The following PDYN variants were observed in gnomAD, a reference collection of about 807,000 sequenced individuals.
PDYN encodes prodynorphin.
In PDYN, 5 loss-of-function variants were observed where a neutral mutation model predicts 11.4. That is an observed-to-expected ratio of 0.44 (90% confidence interval 0.23 to 0.92). PDYN has a LOEUF of 0.92. Among genes scored for constraint, PDYN ranks in the 40% least tolerant of loss-of-function variants. PDYN has a pLI of 0.24. For missense variants in PDYN, 337 were observed against 317.3 expected (o/e 1.06, Z -0.47); for synonymous variants, 132 against 129.5 (o/e 1.02, Z -0.13).
intron 1 of PDYN, among the ~76,000 whole-genome samples, chr20:1,993,133 A>G (rs552875608): frequency 5.2e-4 from 76 of 144,820 alleles, no homozygotes; most frequent in African/African-American, 1.9e-3. Flanking sequence ...TTTTCTGAAT[A>G]TGGGTCTCTG....
intron 2 of PDYN, among the ~76,000 whole-genome samples, chr20:1,990,363 C>G (rs1988379707): frequency 6.6e-6 from 1 of 152,248 alleles, no homozygotes; most frequent in Admixed American, 6.5e-5. Flanking sequence ...ATTTCAGAAG[C>G]TTTTGCCCCA....
chr20:1,983,135 C>G, intron 2 of PDYN, 32 bp from the exon 3 acceptor site: 1 of 1,579,872 alleles, frequency 6.3e-7, no homozygotes, highest in South Asian at 1.1e-5. Context: ...ATAATGAAAT[C>G]TGTGATCACC....
chr20:1,988,590 G>A lies in PDYN; in HGVS notation c.-20+3994C>T, dbSNP rs376464970. 9.9e-5 allele frequency among the ~76,000 whole-genome samples: 15 copies of A among 152,262 alleles called. No homozygotes were observed. In the South Asian group the frequency reaches 1.5e-3, roughly 15 times the overall value. On this transcript the variant is annotated intron_variant, in intron 2 of 3. Coordinates refer to ENST00000217305, the MANE Select transcript of PDYN (RefSeq NM_024411.5). The stretch of plus-strand genomic sequence containing the variant: ...TGGGAAGCAAGCCCCCTTGGTAAGC[G>A]GGAGGCATGATGTCAGTATCTGACC...
chr20:1,980,462 C>G lies in PDYN; in HGVS notation c.626G>C (p.Gly209Ala). The change falls in exon 4 of 4, where the codon GGC becomes GCC. Residue 209 changes from glycine (G) to alanine (A), a missense_variant. By Grantham distance (60) the Gly-to-Ala change is moderately conservative (BLOSUM62 0). Transcript: ENST00000217305. ...CTTGGGACGAATGCGCCGCAAGAAG[C>G]CCCCATAGCGTTTGTACAGGTCCTC... ...GHEDLYKRYG[G>A]FLRRIRPKLK... 8 of 1,613,162 alleles carry G rather than the reference C, an allele frequency of 5.0e-6. No homozygotes were observed. Among genetic ancestry groups the G allele is most frequent in the Non-Finnish European group, 6.8e-6 (8 of 1,179,300 alleles).
rs1361066029 is a variant in PDYN, at chr20:1,982,937, A to G, written c.129+19T>C. ...AGGTCCAAGGACCTGGGCATTGAAG[A>G]ACCTTGCCTGAAACCTACCAGGGGA... is the stretch of plus-strand genomic sequence containing the variant. On this transcript the variant is annotated intron_variant, in intron 3 of 3. Transcript: ENST00000217305. 1.2e-6 allele frequency: 2 copies of G among 1,612,624 alleles called. No individual in the cohort carries two copies. Among genetic ancestry groups the G allele is most frequent in the Non-Finnish European group, 1.7e-6 (2 of 1,179,112 alleles).
At chr20:1,982,555 A>G (rs905766512) in intron 3 of PDYN, among the ~76,000 whole-genome samples, 1 of 152,126 alleles carries the variant, frequency 6.6e-6, no homozygotes, top group African/African-American at 2.4e-5. Flanking sequence ...AGATCTTTGC[A>G]TTTAGGGGTG....
chr20:1,988,381 G>GATAA (rs1281786562), intron 2 of PDYN, among the ~76,000 whole-genome samples: 1 of 152,140 alleles, frequency 6.6e-6, no homozygotes, highest in African/African-American at 2.4e-5. Flanking sequence ...CCTTTTATAG[G>GATAA]ATAAATACAT....
chr20:1,990,997 A>G (rs954558580), intron 2 of PDYN, among the ~76,000 whole-genome samples: 3 of 150,788 alleles, frequency 2.0e-5, no homozygotes, highest in African/African-American at 7.3e-5. Context: ...GACAAATGGG[A>G]ATAGAAGGGA....
chr20:1,980,856 C>T lies in PDYN; in HGVS notation c.232G>A (p.Asp78Asn), dbSNP rs935940168. The T allele has an allele frequency of 2.5e-6, 4 of 1,614,100 alleles. No homozygotes were observed. Among genetic ancestry groups the T allele is most frequent in the Non-Finnish European group, 3.4e-6 (4 of 1,180,044 alleles). ...FFTPSTLGLNDKEDLGSKSVG... is the reference protein window; with the variant it reads ...FFTPSTLGLNNKEDLGSKSVG... The stretch of plus-strand genomic sequence containing the variant: ...GACTTGCTCCCCAAGTCCTCCTTGT[C>T]ATTGAGCCCAAGGGTGGAGGGGGTG... Residue 78 changes from aspartate to asparagine, a missense_variant, in exon 4 of 4, where the codon GAC (aspartate) becomes AAC (asparagine). Coordinates refer to ENST00000217305, the MANE Select transcript of PDYN (RefSeq NM_024411.5).
intron 3 of PDYN, among the ~76,000 whole-genome samples, chr20:1,981,183 A>ATTT (rs1987760379): frequency 6.6e-6 from 1 of 152,230 alleles, no homozygotes; most frequent in African/African-American, 2.4e-5. Context: ...GACCCAGGAC[A>ATTT]CATGGCTGCA....
intron 2 of PDYN, among the ~76,000 whole-genome samples, chr20:1,989,747 T>G (rs187256869): frequency 4.5e-4 from 69 of 152,244 alleles, no homozygotes; most frequent in Non-Finnish European, 4.0e-4. Flanking sequence ...TTGTTTAAGG[T>G]CATATCATGA....
chr20:1,981,242 G>A (rs965037803), intron 3 of PDYN, among the ~76,000 whole-genome samples: 5 of 152,276 alleles, frequency 3.3e-5, no homozygotes, highest in East Asian at 1.9e-4. Flanking sequence ...AGTGTTCTGC[G>A]TGCTCACCTT....
chr20:1,983,305 C>G (rs1987951327), intron 2 of PDYN, among the ~76,000 whole-genome samples: 1 of 152,212 alleles, frequency 6.6e-6, no homozygotes, highest in African/African-American at 2.4e-5. Context: ...TGAGCACCCA[C>G]TGTATACCCA....
At chr20:1,983,769 C>T (rs1347930452) in intron 2 of PDYN, among the ~76,000 whole-genome samples, 2 of 152,212 alleles carry the variant, frequency 1.3e-5, no homozygotes, top group Non-Finnish European at 2.9e-5. Context: ...TGAACACACC[C>T]ATTGGGTGGG....
Position 1,982,813 on chromosome 20 carries a change from A to G in PDYN, c.129+143T>C, listed in dbSNP as rs35416914. On this transcript the variant is annotated intron_variant, in intron 3 of 3. Coordinates refer to ENST00000217305, the MANE Select transcript of PDYN (RefSeq NM_024411.5). ...AGCCCCTGGTGTCCAGGCCATCTAT[A>G]GGGCAGGACACCCACCACCCTGCAC... 6.9e-3 allele frequency: 5,548 copies of G among 804,012 alleles called. 34 individuals are homozygous for G. The highest frequency in any genetic ancestry group is 7.4e-3 in the Non-Finnish European group (3,570 of 483,322). The allele number at this position is 804,012 out of a possible 1,614,324, so 49.8% of individuals were successfully genotyped here. A position where few individuals can be genotyped will look rare whatever the true frequency, so the allele number is the denominator to read the frequency against.
rs890937456 is a variant in PDYN, at chr20:1,980,184, A to G, written c.*139T>C. The G allele has an allele frequency of 3.6e-5, 32 of 888,044 alleles. No individual in the cohort carries two copies. In the Admixed American group the frequency reaches 4.8e-4, roughly 13 times the overall value. The allele number at this position is 888,044 out of a possible 1,614,324, so 55.0% of individuals were successfully genotyped here. A position where few individuals can be genotyped will look rare whatever the true frequency, so the allele number is the denominator to read the frequency against. ...TAACATACTCCCACGCAGAAGAGAG[A>G]TAGGCTGGGCTTGGATATTTTGTAC... On this transcript the variant is annotated 3_prime_UTR_variant, in exon 4 of 4. Coordinates refer to ENST00000217305, the MANE Select transcript of PDYN (RefSeq NM_024411.5).
chr20:1,990,599 AT>A (rs1372785041), intron 2 of PDYN, among the ~76,000 whole-genome samples: 3 of 152,202 alleles, frequency 2.0e-5, no homozygotes, highest in Non-Finnish European at 4.4e-5. Context: ...GGTCGGCTGC[AT>A]TTGCTGTGCA....
intron 1 of PDYN, among the ~76,000 whole-genome samples, chr20:1,993,531 A>T (rs1436401981): frequency 6.6e-6 from 1 of 152,196 alleles, no homozygotes; most frequent in East Asian, 1.9e-4. Context: ...TGACCTTTAA[A>T]ATCACCCTGA....
chr20:1,990,540 T>C (rs1212358284), intron 2 of PDYN, among the ~76,000 whole-genome samples: 1 of 152,148 alleles, frequency 6.6e-6, no homozygotes, highest in Non-Finnish European at 1.5e-5. Flanking sequence ...ACCCACACTT[T>C]AGCCTGGCAA....
Sources: allele counts gnomAD v4.1 joint callset (sites outside exome capture counted in the v4.1 genomes callset), GRCh38; gene constraint gnomAD v4.1.1; transcripts MANE v1.5; gene names NCBI Gene and HGNC (gene_info 2026-07-23, HGNC 2026-07-21).